TRIP12: variants seen among roughly 807,000 people sequenced by gnomAD.
The protein encoded by TRIP12 is thyroid hormone receptor interactor 12, also known as E3 ubiquitin-protein ligase TRIP12.
TRIP12 carries 25 observed loss-of-function variants against 244.2 expected under a neutral mutation model. The observed-to-expected ratio is 0.10, with a 90% CI of 0.07 to 0.14. TRIP12 has a LOEUF of 0.14. TRIP12 is among the 10% of genes least tolerant of loss of function. The probability of loss-of-function intolerance (pLI) is 1.00; values close to 1 mark genes in which losing one functional copy is unlikely to be tolerated. For synonymous variants in TRIP12, 905 were observed against 873.1 expected (o/e 1.04, Z -0.64); for missense variants, 1,677 against 2,486.4 (o/e 0.67, Z 6.92).
At chr2:229,846,822 T>G (rs910158893) in intron 4 of TRIP12, among the ~76,000 whole-genome samples, 1 of 152,198 alleles carries the variant, frequency 6.6e-6, no homozygotes, top group Non-Finnish European at 1.5e-5. Context: ...TCCTAGTCAA[T>G]GCACAGCATT....
chr2:229,893,851 T>C (rs2068020402), intron 1 of TRIP12, among the ~76,000 whole-genome samples: 1 of 152,214 alleles, frequency 6.6e-6, no homozygotes, highest in Non-Finnish European at 1.5e-5. Context: ...AGTATAGGTG[T>C]GTGCCGCCAT....
In TRIP12 at chr2:229,802,255, T is replaced by C. The variant is rs1308327763; in HGVS notation, c.3203A>G (p.Gln1068Arg). The change falls in exon 21 of 42, where the codon CAA (glutamine) becomes CGA (arginine). Residue 1068 changes from glutamine to arginine, a missense_variant. By Grantham distance (43) the Gln-to-Arg change is conservative. Transcript: ENST00000675903. ...SRDDSLDLSP[Q>R]GRLSDVLKRK... ...TCACAACACAATTCTTACTTACCCT[T>C]GAGGGCTGAGATCTAAAGAATCATC... 3 of 1,593,322 alleles carry C rather than the reference T, an allele frequency of 1.9e-6. No homozygotes were observed. The African/African-American group carries it at 4.0e-5, about 21-fold the overall frequency.
At chr2:229,907,867 A>G (rs2073259165) in intron 1 of TRIP12, among the ~76,000 whole-genome samples, 1 of 152,118 alleles carries the variant, frequency 6.6e-6, no homozygotes, top group African/African-American at 2.4e-5. Flanking sequence ...TATACCAGGC[A>G]TTGTTTTAAA....
chr2:229,873,913 A>G (rs2063136598), intron 2 of TRIP12, among the ~76,000 whole-genome samples: 1 of 152,140 alleles, frequency 6.6e-6, no homozygotes, highest in African/African-American at 2.4e-5. Context: ...GACAGATTCT[A>G]GTCAGATGTA....
chr2:229,812,198 C>T (rs908536507), intron 13 of TRIP12, among the ~76,000 whole-genome samples: 3 of 152,122 alleles, frequency 2.0e-5, no homozygotes, highest in African/African-American at 7.2e-5. Flanking sequence ...TCAAGCGATC[C>T]TCCTGCCTCA....
intron 6 of TRIP12, 157 bp from the exon 7 acceptor site, chr2:229,830,996 C>T: frequency 2.9e-6 from 2 of 686,856 alleles, no homozygotes; most frequent in East Asian, 2.7e-5. Context: ...TAGACTTTAT[C>T]CTGTAGCTTT....
intron 30 of TRIP12, among the ~76,000 whole-genome samples, chr2:229,790,461 C>T (rs1208845883): frequency 6.7e-6 from 1 of 148,616 alleles, no homozygotes; most frequent in South Asian, 2.1e-4. Context: ...AAAAAAAGTG[C>T]TACAGGGCCC....
At chr2:229,905,023 C>T (rs2072282641) in intron 1 of TRIP12, among the ~76,000 whole-genome samples, 1 of 152,060 alleles carries the variant, frequency 6.6e-6, no homozygotes, top group Non-Finnish European at 1.5e-5. Flanking sequence ...GCCTGTAATC[C>T]CAGCACTTCA....
chr2:229,919,764 T>C (rs1056166823), intron 1 of TRIP12, among the ~76,000 whole-genome samples: 1 of 152,198 alleles, frequency 6.6e-6, no homozygotes, highest in Non-Finnish European at 1.5e-5. Context: ...CCAATTCTTA[T>C]GGATATTGGC....
chr2:229,919,165 G>T (rs368022743), intron 1 of TRIP12, among the ~76,000 whole-genome samples: 6 of 152,178 alleles, frequency 3.9e-5, no homozygotes, highest in African/African-American at 1.4e-4. Context: ...TGCAATCCCA[G>T]CACTTTGGGT....
intron 4 of TRIP12, among the ~76,000 whole-genome samples, chr2:229,848,807 T>C (rs1434816352): frequency 6.6e-6 from 1 of 152,188 alleles, no homozygotes; most frequent in Non-Finnish European, 1.5e-5. Context: ...GAATACACTA[T>C]ATAATTCTTG....
intron 15 of TRIP12, among the ~76,000 whole-genome samples, chr2:229,809,865 C>T (rs1462494939): frequency 6.6e-6 from 1 of 152,094 alleles, no homozygotes; most frequent in Non-Finnish European, 1.5e-5. Flanking sequence ...ACTGAGTTCC[C>T]CTAAAATGAA....
intron 1 of TRIP12, among the ~76,000 whole-genome samples, chr2:229,908,428 G>A (rs1219520922): frequency 1.3e-5 from 2 of 150,752 alleles, no homozygotes; most frequent in South Asian, 2.1e-4. Flanking sequence ...TGAAGCATCC[G>A]CGTAACGTCT....
intron 1 of TRIP12, chr2:229,900,972 C>T (rs373470840): frequency 1.4e-4 from 21 of 147,842 alleles, no homozygotes; most frequent in African/African-American, 5.0e-4. Flanking sequence ...CTTGCTCTAT[C>T]GGCCATGCTG....
intron 1 of TRIP12, among the ~76,000 whole-genome samples, chr2:229,906,059 C>G (rs1006560309): frequency 6.6e-6 from 1 of 152,262 alleles, no homozygotes; most frequent in Middle Eastern, 3.4e-3. Flanking sequence ...AATCCCAACA[C>G]TTTGGGAGGC....
At chr2:229,774,636 A>G (rs780953948) in intron 37 of TRIP12, among the ~76,000 whole-genome samples, 10 of 152,226 alleles carry the variant, frequency 6.6e-5, no homozygotes, top group Non-Finnish European at 1.5e-4. Context: ...CCAATACTGT[A>G]TAAGTATACA....
Position 229,836,874 on chromosome 2 carries a change from G to T in TRIP12, c.1244C>A (p.Thr415Lys). Residue 415 changes from threonine to lysine, a missense_variant, in exon 6 of 42, where the codon ACA becomes AAA. Physicochemically the swap from Thr to Lys is moderately conservative, Grantham distance 78. Around this residue, in one of 11 missense-constraint regions of TRIP12, gnomAD observed 143 missense variants for 215.6 expected, o/e 0.66. Transcript: ENST00000675903. Reference protein sequence around the residue: ...QEAVNSSAARTDEAPQGAAAS... With the variant: ...QEAVNSSAARKDEAPQGAAAS... Reference sequence around the variant, plus strand: ...TGCAGCTCCTTGGGGAGCTTCATCTGTCCGAGCAGCTGAAGAATTTACTGC... The same window carrying T: ...TGCAGCTCCTTGGGGAGCTTCATCTTTCCGAGCAGCTGAAGAATTTACTGC... 1 of 1,598,928 alleles carries T rather than the reference G, an allele frequency of 6.3e-7. No individual in the cohort carries two copies.
At chr2:229,918,172 CATGA>C (rs1346152453) in intron 1 of TRIP12, among the ~76,000 whole-genome samples, 2 of 152,202 alleles carry the variant, frequency 1.3e-5, no homozygotes, top group African/African-American at 2.4e-5. Flanking sequence ...GATCTGAAGA[CATGA>C]GTTGTAAGTT....
At chr2:229,872,043 T>C (rs1242538373) in intron 2 of TRIP12, among the ~76,000 whole-genome samples, 1 of 137,678 alleles carries the variant, frequency 7.3e-6, no homozygotes, top group Non-Finnish European at 1.5e-5. Flanking sequence ...TTGATATATC[T>C]ACATAACGGA....
Sources: gnomAD v4.1 joint callset for allele counts (sites outside exome capture counted in the v4.1 genomes callset) on GRCh38, gnomAD v4.1.1 for gene constraint, gnomAD v4.1.1 regional missense constraint, MANE v1.5 for transcripts, NCBI Gene and HGNC (gene_info 2026-07-23, HGNC 2026-07-21) for gene names.